Variants in CD226 observed in about 807,000 individuals in gnomAD.
CD226 encodes the protein CD226 molecule.
In CD226, 24 loss-of-function variants were observed where a neutral mutation model predicts 34.9. The ratio of observed to expected loss-of-function variants is 0.69; its 90% CI spans 0.50 to 0.97. CD226 has a LOEUF of 0.97. Ranked by LOEUF, CD226 falls within the 50% of genes least tolerant of loss-of-function variation. The pLI is 0.00. For synonymous variants in CD226, 148 were observed against 147.4 expected (o/e 1.00, Z -0.03); for missense variants, 397 against 412.7 (o/e 0.96, Z 0.33).
At chr18:69,919,591 A>C (rs1169452597) in intron 2 of CD226, among the ~76,000 whole-genome samples, 3 of 152,226 alleles carry the variant, frequency 2.0e-5, no homozygotes, top group Non-Finnish European at 4.4e-5. Flanking sequence ...AGAGTAAATA[A>C]ATGCTGAAGA....
At chr18:69,880,800 C>T (rs1343900895) in intron 3 of CD226, among the ~76,000 whole-genome samples, 6 of 151,912 alleles carry the variant, frequency 3.9e-5, no homozygotes, top group Admixed American at 6.6e-5. Flanking sequence ...TACAGGCGCC[C>T]GCCACAATGC....
At chr18:69,944,030 A>G (rs1040144128) in intron 2 of CD226, among the ~76,000 whole-genome samples, 35 of 151,972 alleles carry the variant, frequency 2.3e-4, no homozygotes, top group Middle Eastern at 6.8e-3. Context: ...TACAGTATAC[A>G]AAAGTACAAT....
chr18:69,892,081 A>G (rs895317221), intron 3 of CD226, among the ~76,000 whole-genome samples: 1 of 152,162 alleles, frequency 6.6e-6, no homozygotes, highest in African/African-American at 2.4e-5. Flanking sequence ...CTAATCATCA[A>G]TGCCTCATTT....
intron 1 of CD226, among the ~76,000 whole-genome samples, chr18:69,954,508 A>G (rs1022323254): frequency 5.9e-5 from 9 of 151,890 alleles, no homozygotes; most frequent in African/African-American, 2.2e-4. Flanking sequence ...CATCTGCAAC[A>G]CCGTGCTGCC....
intron 1 of CD226, among the ~76,000 whole-genome samples, chr18:69,954,636 G>T (rs2055881486): frequency 6.6e-6 from 1 of 152,018 alleles, no homozygotes. Flanking sequence ...ATGGGAGGAG[G>T]ACTGGAAAAG....
In CD226 at chr18:69,856,210, C is replaced by A. The variant is rs931268585; in HGVS notation, c.*8104G>T. 4 of 152,086 alleles carry A rather than the reference C, an allele frequency of 2.6e-5. No homozygotes were observed. Among genetic ancestry groups the A allele is most frequent in the African/African-American group, 9.7e-5 (4 of 41,412 alleles). The allele number at this position is 152,086 out of a possible 1,614,324, so 9.4% of individuals were successfully genotyped here. On this transcript the variant is annotated 3_prime_UTR_variant, in exon 6 of 6. Transcript: ENST00000582621. ...GAAAGATTATCAAGAATAAAAGGGA[C>A]ATTACATGTGGTAAAGGGGTCAATT...
chr18:69,885,354 A>C (rs759918877), intron 3 of CD226, among the ~76,000 whole-genome samples: 1 of 152,206 alleles, frequency 6.6e-6, no homozygotes, highest in African/African-American at 2.4e-5. Flanking sequence ...ACTGTCCCTA[A>C]GGAAGGAGGG....
At chr18:69,885,307 T>C (rs1984493452) in intron 3 of CD226, among the ~76,000 whole-genome samples, 1 of 152,102 alleles carries the variant, frequency 6.6e-6, no homozygotes, top group African/African-American at 2.4e-5. Context: ...AAATAAACTT[T>C]TGTTTTTGGA....
upstream of CD226, among the ~76,000 whole-genome samples, chr18:69,958,158 C>T (rs900145636): frequency 4.6e-5 from 7 of 152,178 alleles, no homozygotes; most frequent in African/African-American, 1.7e-4. Context: ...CACTGAAATA[C>T]TTGCCACATC....
chr18:69,947,508 A>G lies in CD226; in HGVS notation c.-102T>C. On this transcript the variant is annotated 5_prime_UTR_variant, in exon 1 of 6. Coordinates refer to ENST00000582621, the MANE Select transcript of CD226 (RefSeq NM_001303618.2). Reference sequence around the variant, plus strand: ...CACAATGCAGTTTCCTTCCTCTCAGATGTTATCAGTCGTGTCTTCTTTTTC... The same window carrying G: ...CACAATGCAGTTTCCTTCCTCTCAGGTGTTATCAGTCGTGTCTTCTTTTTC... The G allele has an allele frequency of 1.5e-6, 1 of 666,760 alleles. No homozygotes were observed. The highest frequency in any genetic ancestry group is 2.5e-6 in the Non-Finnish European group (1 of 394,016). The allele number at this position is 666,760 out of a possible 1,614,324, so 41.3% of individuals were successfully genotyped here. A position where few individuals can be genotyped will look rare whatever the true frequency, so the allele number is the denominator to read the frequency against.
Position 69,896,005 on chromosome 18 carries a change from A to G in CD226, c.423T>C (p.Val141=), listed in dbSNP as rs2145245994. 1 of 1,613,052 alleles carries G rather than the reference A, an allele frequency of 6.2e-7. No individual in the cohort carries two copies. Residue 141 remains valine (V), a synonymous_variant, in exon 3 of 6, where the codon GTT becomes GTC. Transcript: ENST00000582621. ...EAAVPSNSHI[V]SEPGKNVTLT... ...GTGTGACATTCTTTCCAGGTTCCGA[A>G]ACAATGTGGCTATTTGATGGCACAG...
rs1985260351 is a variant in CD226, at chr18:69,895,950, C to T, written c.478G>A (p.Val160Met). 6.2e-7 allele frequency: 1 copy of T among 1,614,128 alleles called. No individual in the cohort carries two copies. The part of the protein sequence containing the change: ...LTCQPQMTWP[V>M]QAVRWEKIQP... ...ATCTTTTCCCACCTCACTGCCTGCACAGGCCACGTCATCTGAGGCTGACAA... is the reference window on the plus strand; with the variant it reads ...ATCTTTTCCCACCTCACTGCCTGCATAGGCCACGTCATCTGAGGCTGACAA... The change falls in exon 3 of 6, where the codon GTG (valine) becomes ATG (methionine). Residue 160 changes from valine to methionine, a missense_variant. By Grantham distance (21) the Val-to-Met change is conservative (BLOSUM62 1). Coordinates refer to ENST00000582621, the MANE Select transcript of CD226 (RefSeq NM_001303618.2).
intron 2 of CD226, among the ~76,000 whole-genome samples, chr18:69,926,035 C>T (rs1376539223): frequency 1.3e-5 from 2 of 151,978 alleles, no homozygotes; most frequent in African/African-American, 4.8e-5. Flanking sequence ...CCAAGCTACT[C>T]GGGAGGCTGA....
intron 2 of CD226, among the ~76,000 whole-genome samples, chr18:69,898,652 G>C (rs1444397296): frequency 2.0e-5 from 3 of 152,198 alleles, no homozygotes; most frequent in African/African-American, 7.2e-5. Context: ...CAGAAGCTCA[G>C]AGTAGCCCCT....
At chr18:69,921,888 A>T (rs1030930793) in intron 2 of CD226, among the ~76,000 whole-genome samples, 4 of 151,592 alleles carry the variant, frequency 2.6e-5, no homozygotes, top group African/African-American at 9.7e-5. Flanking sequence ...TTTTAATTTG[A>T]ATTTTTGTTT....
chr18:69,909,157 C>T (rs1027342470), intron 2 of CD226, among the ~76,000 whole-genome samples: 3 of 152,128 alleles, frequency 2.0e-5, no homozygotes, highest in African/African-American at 7.2e-5. Flanking sequence ...GACATTGTAC[C>T]TTCAGTATGT....
chr18:69,888,414 C>CTT (rs1164377628), intron 3 of CD226, among the ~76,000 whole-genome samples: 9 of 101,494 alleles, frequency 8.9e-5, no homozygotes, highest in Admixed American at 2.3e-4. Context: ...TTTTTCCTTT[C>CTT]TCTTTTTTTT....
upstream of CD226, among the ~76,000 whole-genome samples, chr18:69,961,210 G>T (rs970513841): frequency 6.6e-6 from 1 of 152,184 alleles, no homozygotes; most frequent in Non-Finnish European, 1.5e-5. Context: ...TGTACCTCAA[G>T]AATTTGTAGG....
chr18:69,899,602 TAAAAAGTGGGTAAAGG>T (rs1416587998), intron 2 of CD226, among the ~76,000 whole-genome samples: 1 of 152,022 alleles, frequency 6.6e-6, no homozygotes, highest in Non-Finnish European at 1.5e-5. Flanking sequence ...ACGACCCCAT[TAAAAAGTGGGTAAAGG>T]ACACAAACAG....
Sources: allele counts gnomAD v4.1 joint callset (sites outside exome capture counted in the v4.1 genomes callset), GRCh38; gene constraint gnomAD v4.1.1; transcripts MANE v1.5; gene names NCBI Gene and HGNC (gene_info 2026-07-23, HGNC 2026-07-21).